Variants in RNPEPL1 observed in about 807,000 individuals in gnomAD.
RNPEPL1 encodes the protein aminopeptidase RNPEPL1.
A neutral mutation model predicts 69.0 loss-of-function variants in RNPEPL1; 46 were observed. The ratio of observed to expected loss-of-function variants is 0.67; its 90% CI spans 0.53 to 0.85. The LOEUF (loss-of-function observed/expected upper bound fraction) is 0.85, where lower values mean the gene tolerates loss of function less well. Ranked by LOEUF, RNPEPL1 falls within the 40% of genes least tolerant of loss-of-function variation. The pLI is 0.00. For missense variants in RNPEPL1, 869 were observed against 992.5 expected (o/e 0.88, Z 1.67); for synonymous variants, 525 against 454.1 (o/e 1.16, Z -1.98).
intron 2 of RNPEPL1, 122 bp downstream of exon 2, chr2:240,572,685 TAGC>T: frequency 7.9e-7 from 1 of 1,258,466 alleles, no homozygotes; most frequent in South Asian, 1.4e-5. Context: ...GCCACAGTGC[TAGC>T]AGGAGCCCAC....
chr2:240,573,301 C>T (rs1436914103), intron 3 of RNPEPL1, 40 bp downstream of exon 3: 1 of 1,528,534 alleles, frequency 6.5e-7, no homozygotes, highest in Admixed American at 2.1e-5. Flanking sequence ...CTGCGCAGGC[C>T]TCGGGGAGAG....
chr2:240,569,172 C>T (rs1264657012), intron 1 of RNPEPL1, 58 bp downstream of exon 1: 16 of 1,369,196 alleles, frequency 1.2e-5, no homozygotes, highest in Admixed American at 3.7e-5. Context: ...TGCTAGCGGC[C>T]TCTCGCCGCA....
Position 240,575,037 on chromosome 2 carries a change from T to C in RNPEPL1, c.1296T>C (p.Asn432=), listed in dbSNP as rs1028662468. Residue 432 remains asparagine (N), a synonymous_variant, in exon 7 of 11, where the codon AAT becomes AAC. Coordinates refer to ENST00000270357, the MANE Select transcript of RNPEPL1 (RefSeq NM_018226.6). Reference sequence around the variant, plus strand: ...TGGGTGTTCACCTTGCAGGAGTGAATCCCAGCCACCTGATGAACCTGTTCA... The same window carrying C: ...TGGGTGTTCACCTTGCAGGAGTGAACCCCAGCCACCTGATGAACCTGTTCA... The part of the protein sequence containing the change: ...KLQVKLEPGV[N]PSHLMNLFTY... 1.9e-6 allele frequency: 3 copies of C among 1,613,416 alleles called. No homozygotes were observed. In the South Asian group the frequency reaches 3.3e-5, roughly 18 times the overall value.
intron 10 of RNPEPL1, 52 bp from the exon 11 acceptor site, chr2:240,577,547 G>A: frequency 6.7e-7 from 1 of 1,503,514 alleles, no homozygotes. Context: ...AGGGTGGGCT[G>A]GCTCGAGGGG....
chr2:240,576,052 T>G (rs1352160819), intron 8 of RNPEPL1: 1 of 251,910 alleles, frequency 4.0e-6, no homozygotes, highest in African/African-American at 2.2e-5. Flanking sequence ...TGCTGGAGGG[T>G]GGTGAGGTGC....
intron 2 of RNPEPL1, 135 bp downstream of exon 2, chr2:240,572,698 C>A: frequency 8.6e-7 from 1 of 1,165,470 alleles, no homozygotes; most frequent in Non-Finnish European, 1.2e-6. Flanking sequence ...CAGGAGCCCA[C>A]CCTCCCTACT....
chr2:240,568,737 C>T lies in RNPEPL1; in HGVS notation c.151C>T (p.Arg51Trp), dbSNP rs1176998967. ...LRHLQLGLEL[R>W]PEARELAGCL... Reference sequence around the variant, plus strand: ...CCACCTGCAGCTGGGCCTGGAGCTGCGGCCCGAGGCGCGCGAGTTGGCCGG... The same window carrying T: ...CCACCTGCAGCTGGGCCTGGAGCTGTGGCCCGAGGCGCGCGAGTTGGCCGG... The change falls in exon 1 of 11, where the codon CGG becomes TGG. Residue 51 changes from arginine (R) to tryptophan (W), a missense_variant. Arg to Trp is a moderately radical substitution (Grantham distance 101). Transcript: ENST00000270357. This position sits in a 1 kb window ranked among gnomAD's most constrained non-coding sequence, Gnocchi z 6.2. 1.9e-6 allele frequency: 2 copies of T among 1,060,550 alleles called. No individual in the cohort carries two copies. The highest frequency in any genetic ancestry group is 2.3e-6 in the Non-Finnish European group (2 of 876,926). The allele number at this position is 1,060,550 out of a possible 1,614,324, so 65.7% of individuals were successfully genotyped here.
chr2:240,574,422 C>A lies in RNPEPL1; in HGVS notation c.1174+74C>A, dbSNP rs983090943. Reference sequence around the variant, plus strand: ...TCCAGGGGCAGAGAGCCTAGCCTGGCCCCCCTGCCATGCTGCAGGTGCCCA... The same window carrying A: ...TCCAGGGGCAGAGAGCCTAGCCTGGACCCCCTGCCATGCTGCAGGTGCCCA... On this transcript the variant is annotated intron_variant, in intron 5 of 10. Transcript: ENST00000270357. 4.5e-6 allele frequency: 7 copies of A among 1,541,918 alleles called. No individual in the cohort carries two copies. In the Admixed American group the frequency reaches 9.2e-5, roughly 20 times the overall value.
At position 240,579,209 on chromosome 2, in the gene RNPEPL1, CCA is replaced by C. The variant is rs1202454499; in HGVS notation, c.*1318_*1319del. On this transcript the variant is annotated 3_prime_UTR_variant, in exon 11 of 11. Coordinates refer to ENST00000270357, the MANE Select transcript of RNPEPL1 (RefSeq NM_018226.6). Reference sequence around the variant, plus strand: ...TCTTCTCCCAACCCGCTGGCCAGGCCCAGTCACAGCCCCACTCCACACATGGC... The same window carrying C: ...TCTTCTCCCAACCCGCTGGCCAGGCCGTCACAGCCCCACTCCACACATGGC... The C allele has an allele frequency of 6.6e-6, 1 of 152,350 alleles. No homozygotes were observed. Among genetic ancestry groups the C allele is most frequent in the Non-Finnish European group, 1.5e-5 (1 of 68,140 alleles). 9.4% of individuals were successfully genotyped at this position (152,350 alleles called of 1,614,324 possible). A position where few individuals can be genotyped will look rare whatever the true frequency, so the allele number is the denominator to read the frequency against.
In RNPEPL1 at chr2:240,574,566, G is replaced by T. The variant is rs768452852; in HGVS notation, c.1226G>T (p.Arg409Leu). 1 of 1,612,912 alleles carries T rather than the reference G, an allele frequency of 6.2e-7. No individual in the cohort carries two copies. Among genetic ancestry groups the T allele is most frequent in the Non-Finnish European group, 8.5e-7 (1 of 1,179,946 alleles). Residue 409 changes from arginine to leucine, a missense_variant, in exon 6 of 11, where the codon CGG (arginine) becomes CTG (leucine). Transcript: ENST00000270357. ...GCCTTCCGCCTGGACGCCCTGCACCGGCAGATGAAGCTTCTGGGAGAGGAC... is the reference window on the plus strand; with the variant it reads ...GCCTTCCGCCTGGACGCCCTGCACCTGCAGATGAAGCTTCTGGGAGAGGAC... ...ETAFRLDALHRQMKLLGEDSP... is the reference protein window; with the variant it reads ...ETAFRLDALHLQMKLLGEDSP...
chr2:240,575,665 G>A, intron 8 of RNPEPL1, 55 bp downstream of exon 8: 4 of 1,430,426 alleles, frequency 2.8e-6, no homozygotes, highest in Non-Finnish European at 3.9e-6. Flanking sequence ...ATGGCAGGCG[G>A]GGCCTCTGCT....
In RNPEPL1 at chr2:240,568,965, G is replaced by C; in HGVS notation, c.379G>C (p.Gly127Arg). Residue 127 changes from glycine to arginine, a missense_variant, in exon 1 of 11, where the codon GGC becomes CGC. Gly to Arg is a moderately radical substitution (Grantham distance 125, BLOSUM62 -2). Around this residue, in one of 2 missense-constraint regions of RNPEPL1, gnomAD observed 259 missense variants for 201.5 expected, o/e 1.29. Coordinates refer to ENST00000270357, the MANE Select transcript of RNPEPL1 (RefSeq NM_018226.6). The surrounding 1 kb of genome is among the most constrained non-coding windows in gnomAD (Gnocchi z 6.2). ...GCTGCCCGCCTTCCCCGAGGCGCCCGGCTCCGAGCCCGCCTGCTGTCCGCT... is the reference window on the plus strand; with the variant it reads ...GCTGCCCGCCTTCCCCGAGGCGCCCCGCTCCGAGCCCGCCTGCTGTCCGCT... Reference protein sequence around the residue: ...PPLPAFPEAPGSEPACCPLAF... With the variant: ...PPLPAFPEAPRSEPACCPLAF... 1 of 1,439,114 alleles carries C rather than the reference G, an allele frequency of 6.9e-7. No homozygotes were observed. Among genetic ancestry groups the C allele is most frequent in the Non-Finnish European group, 9.1e-7 (1 of 1,096,358 alleles). The allele number at this position is 1,439,114 out of a possible 1,614,324, so 89.1% of individuals were successfully genotyped here. A position where few individuals can be genotyped will look rare whatever the true frequency, so the allele number is the denominator to read the frequency against.
At position 240,577,559 on chromosome 2, in the gene RNPEPL1, C is replaced by T. The variant is rs530322359; in HGVS notation, c.1885-40C>T. The stretch of plus-strand genomic sequence containing the variant: ...GGCAGGGTGGGCTGGCTCGAGGGGC[C>T]TGGGGAGCCCACCAGTGTGACCGAG... On this transcript the variant is annotated intron_variant, in intron 10 of 10. Coordinates refer to ENST00000270357, the MANE Select transcript of RNPEPL1 (RefSeq NM_018226.6). 2.8e-4 allele frequency: 426 copies of T among 1,522,670 alleles called. 4 individuals carry two copies. The highest frequency in any genetic ancestry group is 1.7e-3 in the South Asian group (137 of 78,754). The allele number at this position is 1,522,670 out of a possible 1,614,324, so 94.3% of individuals were successfully genotyped here.
intron 1 of RNPEPL1, among the ~76,000 whole-genome samples, chr2:240,571,241 G>C (rs186803924): frequency 6.6e-6 from 1 of 152,294 alleles, no homozygotes; most frequent in Non-Finnish European, 1.5e-5. Context: ...GTTTGGAAGA[G>C]ATCTGAGAAT....
chr2:240,575,645 CG>C, intron 8 of RNPEPL1, 35 bp downstream of exon 8: 2 of 1,571,680 alleles, frequency 1.3e-6, no homozygotes, highest in Non-Finnish European at 1.8e-6. Context: ...GCCAGGGAGC[CG>C]TGGGTATGAT....
rs545912029 is a variant in RNPEPL1 at position 240,569,102 on chromosome 2, C to T, written c.516C>T (p.Thr172=). Residue 172 remains threonine (T), a synonymous_variant, in exon 1 of 11, where the codon ACC becomes ACT. Coordinates refer to ENST00000270357, the MANE Select transcript of RNPEPL1 (RefSeq NM_018226.6). ...AGGTCATCCTGCGGTACACCTCGAC[C>T]GACGCCCCCGCCGTGAGTCCGGGGC... is the stretch of plus-strand genomic sequence containing the variant. ...PFQVILRYTS[T]DAPAIWWLDP... 5 of 1,496,196 alleles carry T rather than the reference C, an allele frequency of 3.3e-6. No individual in the cohort carries two copies. The highest frequency in any genetic ancestry group is 2.5e-5 in the South Asian group (2 of 81,228). 92.7% of individuals were successfully genotyped at this position (1,496,196 alleles called of 1,614,324 possible).
intron 5 of RNPEPL1, 24 bp from the exon 6 acceptor site, chr2:240,574,488 TCTC>T (rs1160404778): frequency 3.8e-6 from 6 of 1,587,086 alleles, no homozygotes; most frequent in African/African-American, 1.4e-5. Context: ...CCCCCTCACC[TCTC>T]CTCTGTCTCC....
chr2:240,576,777 C>T lies in RNPEPL1; in HGVS notation c.1741+12C>T. ...CCCGCTGCCGCAGGGTGAGTCCCTG[C>T]AGCTGATGGGGGCGGCCCAGGGGCT... On this transcript the variant is annotated intron_variant, in intron 9 of 10. Coordinates refer to ENST00000270357, the MANE Select transcript of RNPEPL1 (RefSeq NM_018226.6). 6.2e-7 allele frequency: 1 copy of T among 1,612,568 alleles called. No homozygotes were observed. The highest frequency in any genetic ancestry group is 8.5e-7 in the Non-Finnish European group (1 of 1,179,668).
In RNPEPL1 at chr2:240,577,595, G is replaced by A. The variant is rs1451022497; in HGVS notation, c.1885-4G>A. On this transcript the variant is annotated splice_region_variant and splice_polypyrimidine_tract_variant and intron_variant, in intron 10 of 10. Coordinates refer to ENST00000270357, the MANE Select transcript of RNPEPL1 (RefSeq NM_018226.6). ...ACCAGTGTGACCGAGTGCCCCTCCT[G>A]CAGATGTCACGCATGTACACCATCC... The A allele has an allele frequency of 1.3e-6, 2 of 1,556,720 alleles. No homozygotes were observed. Among genetic ancestry groups the A allele is most frequent in the African/African-American group, 2.7e-5 (2 of 73,898 alleles).
Sources: allele counts gnomAD v4.1 joint callset (sites outside exome capture counted in the v4.1 genomes callset), GRCh38; gene constraint gnomAD v4.1.1; regional missense constraint gnomAD v4.1.1; non-coding constraint Gnocchi (gnomAD v3.1); transcripts MANE v1.5; gene names NCBI Gene and HGNC (gene_info 2026-07-23, HGNC 2026-07-21).